VPS54: variants seen among roughly 807,000 people sequenced by gnomAD.
VPS54 encodes vacuolar protein sorting-associated protein 54.
VPS54 carries 45 observed loss-of-function variants against 121.5 expected under a neutral mutation model. The ratio of observed to expected loss-of-function variants is 0.37; its 90% CI spans 0.29 to 0.47. The LOEUF is 0.47. VPS54 is among the 20% of genes least tolerant of loss of function. The pLI is 0.99. For missense variants in VPS54, 1,090 were observed against 1,131.4 expected (o/e 0.96, Z 0.52); for synonymous variants, 371 against 385.8 (o/e 0.96, Z 0.45).
intron 1 of VPS54, among the ~76,000 whole-genome samples, chr2:64,006,467 C>A (rs1173130849): frequency 6.6e-6 from 1 of 152,164 alleles, no homozygotes; most frequent in Admixed American, 6.5e-5. Flanking sequence ...AACTGTCTTA[C>A]CTTCCTAAGT....
chr2:64,016,151 T>C (rs1400549622), intron 1 of VPS54, among the ~76,000 whole-genome samples: 1 of 152,200 alleles, frequency 6.6e-6, no homozygotes, highest in Non-Finnish European at 1.5e-5. Context: ...ATCTTTTCCC[T>C]GATATTCTAA....
At chr2:63,942,407 A>G (rs1674785959) in intron 11 of VPS54, 58 bp downstream of exon 11, 1 of 1,193,862 alleles carries the variant, frequency 8.4e-7, no homozygotes, top group Middle Eastern at 2.4e-4. Context: ...CATATTATGT[A>G]TCTAGAAAGC....
intron 1 of VPS54, among the ~76,000 whole-genome samples, chr2:63,993,672 T>C (rs985461158): frequency 5.3e-5 from 8 of 152,264 alleles, no homozygotes; most frequent in African/African-American, 1.9e-4. Flanking sequence ...CATTCCATAC[T>C]GTGGCAAATT....
intron 3 of VPS54, chr2:63,975,003 T>G (rs1272374440): frequency 1.3e-6 from 2 of 1,550,058 alleles, no homozygotes; most frequent in South Asian, 2.4e-5. Context: ...CTGTTCTTAG[T>G]GGGAAGCATC....
intron 4 of VPS54, among the ~76,000 whole-genome samples, chr2:63,969,238 T>C (rs535293009): frequency 6.6e-6 from 1 of 152,248 alleles, no homozygotes; most frequent in South Asian, 2.1e-4. Flanking sequence ...ACATCTCAAA[T>C]CTTTTTAATC....
intron 7 of VPS54, among the ~76,000 whole-genome samples, chr2:63,961,232 A>C (rs748195992): frequency 6.6e-6 from 1 of 152,082 alleles, no homozygotes; most frequent in Non-Finnish European, 1.5e-5. Flanking sequence ...TGAATGAATC[A>C]ATCAATTGTT....
At position 63,899,546 on chromosome 2, in the gene VPS54, G is replaced by T. The variant is rs762383842; in HGVS notation, c.2661C>A (p.Phe887Leu). ...TTGTCATTTGCTTACAAATATTCCTGAAACAGGCAGAAGGAACAGGAGCCT... is the reference window on the plus strand; with the variant it reads ...TTGTCATTTGCTTACAAATATTCCTTAAACAGGCAGAAGGAACAGGAGCCT... Reference protein sequence around the residue: ...EVKAPVPSACFRNICKQMTKM... With the variant: ...EVKAPVPSACLRNICKQMTKM... Residue 887 changes from phenylalanine (F) to leucine (L), a missense_variant, in exon 21 of 23, where the codon TTC (phenylalanine) becomes TTA (leucine). Coordinates refer to ENST00000272322, the MANE Select transcript of VPS54 (RefSeq NM_016516.3). 6.2e-7 allele frequency: 1 copy of T among 1,613,710 alleles called. No individual in the cohort carries two copies. The highest frequency in any genetic ancestry group is 1.1e-5 in the South Asian group (1 of 91,070).
chr2:64,000,380 A>G (rs58297806), intron 1 of VPS54, among the ~76,000 whole-genome samples: 11,069 of 152,230 alleles, frequency 0.073, 843 homozygotes, highest in African/African-American at 0.2. Context: ...GTTTCTCCAG[A>G]ATTAGTCCCT....
In VPS54 at chr2:63,999,905, G is replaced by C. The variant is rs979160937; in HGVS notation, c.-20-15886C>G. On this transcript the variant is annotated intron_variant, in intron 1 of 22. Transcript: ENST00000272322. ...AGATGGAGTCTCGCCCTGTCACCCA[G>C]ACTAGAGTGCAATGGCACGATCTCG... is the stretch of plus-strand genomic sequence containing the variant. 2.6e-5 allele frequency among the ~76,000 whole-genome samples: 4 copies of C among 151,506 alleles called. No homozygotes were observed. The East Asian group carries it at 7.8e-4, about 30-fold the overall frequency.
chr2:63,957,441 C>CAAAAAAAAAAAAA (rs10551633), intron 7 of VPS54, among the ~76,000 whole-genome samples: 1 of 90,120 alleles, frequency 1.1e-5, no homozygotes, highest in Non-Finnish European at 2.3e-5. Context: ...GACTCCATCT[C>CAAAAAAAAAAAAA]AAAAAAAAAA....
chr2:63,961,472 A>T (rs1269644420), intron 7 of VPS54, among the ~76,000 whole-genome samples: 1 of 152,150 alleles, frequency 6.6e-6, no homozygotes. Context: ...GGATACTGCA[A>T]GCCTGCTTAA....
chr2:63,924,810 G>A (rs1673820481), intron 12 of VPS54, among the ~76,000 whole-genome samples: 1 of 152,150 alleles, frequency 6.6e-6, no homozygotes, highest in Admixed American at 6.5e-5. Flanking sequence ...TGACATTATA[G>A]AGCAGTAGGA....
intron 4 of VPS54, 37 bp downstream of exon 4, chr2:63,972,129 C>T (rs774180866): frequency 1.7e-5 from 22 of 1,323,224 alleles, no homozygotes; most frequent in East Asian, 2.5e-5. Flanking sequence ...AATATTTATG[C>T]TATGCTTTAT....
At chr2:63,955,784 ATTC>A (rs1675467424) in intron 7 of VPS54, among the ~76,000 whole-genome samples, 1 of 152,056 alleles carries the variant, frequency 6.6e-6, no homozygotes, top group African/African-American at 2.4e-5. Flanking sequence ...TCCTCAATCT[ATTC>A]TTGTATATTC....
intron 1 of VPS54, among the ~76,000 whole-genome samples, chr2:64,002,283 T>C (rs895930053): frequency 2.0e-5 from 3 of 152,204 alleles, no homozygotes; most frequent in Admixed American, 6.5e-5. Flanking sequence ...CTTTGGGCAA[T>C]ATGAAGTTAA....
chr2:63,999,665 T>C (rs991824962), intron 1 of VPS54, among the ~76,000 whole-genome samples: 2 of 152,216 alleles, frequency 1.3e-5, no homozygotes, highest in African/African-American at 4.8e-5. Flanking sequence ...TATTATTCCT[T>C]CGAATAAACT....
At chr2:63,974,938 G>T in intron 3 of VPS54, 1 of 1,509,406 alleles carries the variant, frequency 6.6e-7, no homozygotes, top group South Asian at 1.3e-5. Flanking sequence ...CATTAGTTAG[G>T]ACTTCCAAGA....
At chr2:64,018,178 A>T (rs1210462642) in intron 1 of VPS54, among the ~76,000 whole-genome samples, 1 of 152,234 alleles carries the variant, frequency 6.6e-6, no homozygotes, top group Admixed American at 6.5e-5. Context: ...TTAAAAACAA[A>T]AACAGTCCAA....
intron 4 of VPS54, among the ~76,000 whole-genome samples, chr2:63,970,304 G>GATATAGATAT (rs1559029927): frequency 2.2e-5 from 3 of 134,190 alleles, no homozygotes; most frequent in Admixed American, 7.4e-5. Flanking sequence ...GATATATATA[G>GATATAGATAT]ATATAGATAA....
Sources: gnomAD v4.1 joint callset for allele counts (sites outside exome capture counted in the v4.1 genomes callset) on GRCh38, gnomAD v4.1.1 for gene constraint, MANE v1.5 for transcripts, NCBI Gene and HGNC (gene_info 2026-07-23, HGNC 2026-07-21) for gene names.